The following VRK2 variants were observed in gnomAD, a reference collection of about 807,000 sequenced individuals.
The protein encoded by VRK2 is VRK serine/threonine kinase 2, also known as serine/threonine-protein kinase VRK2.
A neutral mutation model predicts 57.6 loss-of-function variants in VRK2; 60 were observed. The ratio of observed to expected loss-of-function variants is 1.04; its 90% CI spans 0.85 to 1.29. The LOEUF is 1.29. Among genes scored for constraint, VRK2 ranks in the 50% most tolerant of loss-of-function variants. The pLI is 0.00. For missense variants in VRK2, 705 were observed against 588.1 expected (o/e 1.20, Z -2.06); for synonymous variants, 231 against 199.2 (o/e 1.16, Z -1.35).
upstream of VRK2, chr2:58,046,416 T>C: frequency 1.1e-6 from 1 of 900,894 alleles, no homozygotes; most frequent in East Asian, 1.2e-4. Flanking sequence ...AGTTAGTTGC[T>C]CGGCGAGAGC....
At chr2:58,137,192 A>ATCATATAT (rs1553422428) in intron 10 of VRK2, among the ~76,000 whole-genome samples, 64 of 55,022 alleles carry the variant, frequency 1.2e-3, no homozygotes, top group South Asian at 1.8e-3. Flanking sequence ...CATATATGAT[A>ATCATATAT]CATATATATC....
intron 1 of VRK2, among the ~76,000 whole-genome samples, chr2:57,991,307 T>C (rs1672758704): frequency 6.6e-6 from 1 of 151,896 alleles, no homozygotes; most frequent in Admixed American, 6.6e-5. Flanking sequence ...TGTGTGTATT[T>C]GCCAAACTCA....
chr2:57,952,750 G>GAAA (rs111349440), intron 1 of VRK2, among the ~76,000 whole-genome samples: 1 of 120,710 alleles, frequency 8.3e-6, no homozygotes. Flanking sequence ...AACTGAAAAT[G>GAAA]AAAAAAAAAA....
chr2:58,052,145 T>G (rs1675836338), intron 2 of VRK2, among the ~76,000 whole-genome samples: 1 of 152,230 alleles, frequency 6.6e-6, no homozygotes, highest in African/African-American at 2.4e-5. Flanking sequence ...CCTGACCTGA[T>G]GAAGCCACTT....
chr2:58,088,361 A>T lies in VRK2; in HGVS notation c.365A>T (p.Glu122Val). The T allele has an allele frequency of 1.9e-6, 3 of 1,611,764 alleles. No homozygotes were observed. Among genetic ancestry groups the T allele is most frequent in the Non-Finnish European group, 2.5e-6 (3 of 1,178,848 alleles). The change falls in exon 6 of 13, where the codon GAA (glutamate) becomes GTA (valine). Residue 122 changes from glutamate (E) to valine (V), a missense_variant. Transcript: ENST00000340157. ...KGRSYRFMVM[E>V]RLGIDLQKIS... ...TACAGTTACAGATTTATGGTAATGG[A>T]AAGACTAGGAATAGATTTACAGAAG...
chr2:58,118,737 T>C (rs1388180173), intron 7 of VRK2, among the ~76,000 whole-genome samples: 1 of 152,150 alleles, frequency 6.6e-6, no homozygotes, highest in African/African-American at 2.4e-5. Flanking sequence ...CAAACAGGCT[T>C]TGTGTGAGCA....
At chr2:58,110,477 A>G (rs1675395298) in intron 7 of VRK2, among the ~76,000 whole-genome samples, 1 of 152,232 alleles carries the variant, frequency 6.6e-6, no homozygotes, top group Non-Finnish European at 1.5e-5. Flanking sequence ...AGAATCATTC[A>G]TATCTGTTAA....
chr2:57,913,379 C>T (rs1670050440), intron 1 of VRK2, among the ~76,000 whole-genome samples: 1 of 152,072 alleles, frequency 6.6e-6, no homozygotes, highest in Non-Finnish European at 1.5e-5. Flanking sequence ...ATAATAAGTG[C>T]TAAAAAAGTA....
At chr2:57,969,398 A>C (rs1672022998) in intron 1 of VRK2, among the ~76,000 whole-genome samples, 1 of 152,102 alleles carries the variant, frequency 6.6e-6, no homozygotes, top group Non-Finnish European at 1.5e-5. Context: ...GCCTAACTGC[A>C]GATCAAGGAG....
At chr2:58,136,248 A>G (rs1438934106) in intron 10 of VRK2, among the ~76,000 whole-genome samples, 2 of 152,164 alleles carry the variant, frequency 1.3e-5, no homozygotes, top group East Asian at 3.9e-4. Flanking sequence ...TTTCTCTAGT[A>G]CTTTTCATCG....
intron 1 of VRK2, among the ~76,000 whole-genome samples, chr2:58,023,934 C>A (rs570927285): frequency 8.6e-5 from 13 of 151,508 alleles, no homozygotes; most frequent in Middle Eastern, 3.4e-3. Context: ...AGTTTGTAAT[C>A]ACACAATTGA....
intron 7 of VRK2, among the ~76,000 whole-genome samples, chr2:58,101,954 G>C (rs1674029367): frequency 6.6e-6 from 1 of 151,600 alleles, no homozygotes; most frequent in Non-Finnish European, 1.5e-5. Flanking sequence ...AAATGAATTT[G>C]TTAATCAATG....
At chr2:57,997,434 C>T (rs530222374) in intron 1 of VRK2, among the ~76,000 whole-genome samples, 1 of 152,060 alleles carries the variant, frequency 6.6e-6, no homozygotes, top group African/African-American at 2.4e-5. Context: ...AGGGAAACTA[C>T]TATGCATTGA....
intron 1 of VRK2, among the ~76,000 whole-genome samples, chr2:57,916,836 T>C (rs1173589976): frequency 6.6e-6 from 1 of 152,198 alleles, no homozygotes; most frequent in Non-Finnish European, 1.5e-5. Flanking sequence ...GTTTCAACTC[T>C]TTGGAAAGTC....
At chr2:58,010,304 T>C (rs750315082) in intron 1 of VRK2, among the ~76,000 whole-genome samples, 6 of 152,138 alleles carry the variant, frequency 3.9e-5, no homozygotes, top group Non-Finnish European at 8.8e-5. Flanking sequence ...AGTATTATAA[T>C]TTCATGACAA....
intron 7 of VRK2, among the ~76,000 whole-genome samples, chr2:58,101,828 A>C (rs1674009905): frequency 6.6e-6 from 1 of 151,786 alleles, no homozygotes; most frequent in African/African-American, 2.4e-5. Context: ...TAAATAGGAA[A>C]ACAGGGATTG....
intron 10 of VRK2, among the ~76,000 whole-genome samples, chr2:58,138,515 T>G (rs1401580170): frequency 6.6e-6 from 1 of 152,190 alleles, no homozygotes. Context: ...ATGGTGAAAG[T>G]GGTCACTCTT....
intron 1 of VRK2, among the ~76,000 whole-genome samples, chr2:58,007,124 T>C (rs971077919): frequency 3.3e-5 from 5 of 151,942 alleles, no homozygotes; most frequent in African/African-American, 1.2e-4. Context: ...CCATCAGTTC[T>C]CCTGCATCTT....
At chr2:57,922,385 A>G (rs1264021908) in intron 1 of VRK2, among the ~76,000 whole-genome samples, 1 of 151,926 alleles carries the variant, frequency 6.6e-6, no homozygotes, top group Non-Finnish European at 1.5e-5. Flanking sequence ...ATGTTTAAAT[A>G]TATGTATATG....
Sources: allele counts gnomAD v4.1 joint callset (sites outside exome capture counted in the v4.1 genomes callset), GRCh38; gene constraint gnomAD v4.1.1; transcripts MANE v1.5; gene names NCBI Gene and HGNC (gene_info 2026-07-23, HGNC 2026-07-21).